APPBP2: variants seen among roughly 807,000 people sequenced by gnomAD.
APPBP2 encodes amyloid beta precursor protein binding protein 2, also known as amyloid protein-binding protein 2.
APPBP2 carries 15 observed loss-of-function variants against 76.0 expected under a neutral mutation model. The observed-to-expected ratio is 0.20, with a 90% confidence interval of 0.13 to 0.30. The LOEUF (loss-of-function observed/expected upper bound fraction) is 0.30. Ranked by LOEUF, APPBP2 falls within the 10% of genes least tolerant of loss-of-function variation. The probability of loss-of-function intolerance (pLI) is 1.00; values close to 1 mark genes in which losing one functional copy is unlikely to be tolerated. For synonymous variants in APPBP2, 222 were observed against 242.2 expected, an observed-to-expected ratio of 0.92 and a Z score of 0.77; for missense variants, 401 against 687.2, an observed-to-expected ratio of 0.58 and a Z score of 4.66.
chr17:60,467,646 A>G (rs1397393632), intron 4 of APPBP2, among the ~76,000 whole-genome samples: 1 of 152,240 alleles, frequency 6.6e-6, no homozygotes. Flanking sequence ...TGCCATAAAG[A>G]TGATAAAAAA....
intron 1 of APPBP2, among the ~76,000 whole-genome samples, chr17:60,500,928 A>G (rs2090818092): frequency 6.6e-6 from 1 of 152,236 alleles, no homozygotes; most frequent in Non-Finnish European, 1.5e-5. Context: ...ACACACCAAT[A>G]GTAGAGCATG....
intron 3 of APPBP2, among the ~76,000 whole-genome samples, chr17:60,486,231 A>C (rs1044800249): frequency 6.6e-6 from 1 of 152,334 alleles, no homozygotes; most frequent in Non-Finnish European, 1.5e-5. Flanking sequence ...TGCAGAACTG[A>C]GTTCAAATCC....
intron 3 of APPBP2, among the ~76,000 whole-genome samples, chr17:60,485,795 G>T (rs1307269914): frequency 6.6e-6 from 1 of 152,128 alleles, no homozygotes; most frequent in Non-Finnish European, 1.5e-5. Context: ...TGATGGTAGG[G>T]TGTGAATTGT....
chr17:60,459,169 A>G (rs1455547918), intron 9 of APPBP2, among the ~76,000 whole-genome samples: 1 of 152,130 alleles, frequency 6.6e-6, no homozygotes, highest in African/African-American at 2.4e-5. Flanking sequence ...GTAATTTTTA[A>G]TGGTGAGTTC....
intron 4 of APPBP2, among the ~76,000 whole-genome samples, chr17:60,477,952 C>T (rs761829582): frequency 1.1e-4 from 16 of 151,024 alleles, no homozygotes; most frequent in Middle Eastern, 3.4e-3. Context: ...CCAGACTGGG[C>T]GATACAGCAA....
At chr17:60,518,886 T>A (rs545054718) in intron 1 of APPBP2, among the ~76,000 whole-genome samples, 1 of 152,216 alleles carries the variant, frequency 6.6e-6, no homozygotes, top group Non-Finnish European at 1.5e-5. Flanking sequence ...GCCTTCTTCA[T>A]GCCAAGATGG....
chr17:60,523,479 A>C (rs2091026651), intron 1 of APPBP2, among the ~76,000 whole-genome samples: 1 of 152,110 alleles, frequency 6.6e-6, no homozygotes, highest in African/African-American at 2.4e-5. Context: ...TGGGCAACAG[A>C]GCAAGATCCT....
At position 60,492,990 on chromosome 17, in the gene APPBP2, G is replaced by A. The variant is rs181672452; in HGVS notation, c.379+1476C>T. 3.3e-5 allele frequency among the ~76,000 whole-genome samples: 5 copies of A among 152,266 alleles called. No homozygotes were observed. In the East Asian group the frequency reaches 9.6e-4, roughly 29 times the overall value. ...TCCCACGTGTTGTGGGAGGGACCTG[G>A]TGAAAGATAACTGAATCATAGGGCC... On this transcript the variant is annotated intron_variant, in intron 3 of 12. Transcript: ENST00000083182.
rs74580247 is a variant in APPBP2, at chr17:60,506,751, T to C, written c.139-6264A>G. Reference sequence around the variant, plus strand: ...ATATTTTCTTTTTTAAAAAAAACATTTTCCCCCCGGGCGCGGTGGCTCGCG... The same window carrying C: ...ATATTTTCTTTTTTAAAAAAAACATCTTCCCCCCGGGCGCGGTGGCTCGCG... On this transcript the variant is annotated intron_variant, in intron 1 of 12. Coordinates refer to ENST00000083182, the MANE Select transcript of APPBP2 (RefSeq NM_006380.5). 2.4e-3 allele frequency among the ~76,000 whole-genome samples: 358 copies of C among 152,260 alleles called. 1 individual carries two copies. Among genetic ancestry groups the C allele is most frequent in the African/African-American group, 8.3e-3 (347 of 41,564 alleles).
chr17:60,454,150 A>G (rs1291728922), intron 11 of APPBP2, 152 bp downstream of exon 11: 1 of 489,682 alleles, frequency 2.0e-6, no homozygotes, highest in Non-Finnish European at 3.3e-6. Flanking sequence ...GGAATGAGCC[A>G]CTGTGCTTGG....
chr17:60,453,161 A>G (rs1294997306), intron 11 of APPBP2, among the ~76,000 whole-genome samples: 1 of 152,120 alleles, frequency 6.6e-6, no homozygotes, highest in African/African-American at 2.4e-5. Context: ...TTATTTAAAA[A>G]ATTTTTTCTT....
At chr17:60,487,199 C>A (rs2143407937) in intron 3 of APPBP2, among the ~76,000 whole-genome samples, 1 of 152,230 alleles carries the variant, frequency 6.6e-6, no homozygotes, top group South Asian at 2.1e-4. Flanking sequence ...AAGGAATTAT[C>A]TTTGTGGTGT....
intron 12 of APPBP2, among the ~76,000 whole-genome samples, chr17:60,451,074 T>C (rs73326417): frequency 0.082 from 12,527 of 152,262 alleles, 1,711 homozygotes; most frequent in African/African-American, 0.28. Context: ...TGTTCATTAA[T>C]AGTGGAATGG....
chr17:60,521,145 T>C lies in APPBP2; in HGVS notation c.138+4649A>G, dbSNP rs756241796. ...CTTACCTGCTTTTATACCAAAATGG[T>C]TGCACGCCCTTGGAGAGAAAACTTT... On this transcript the variant is annotated intron_variant, in intron 1 of 12. Coordinates refer to ENST00000083182, the MANE Select transcript of APPBP2 (RefSeq NM_006380.5). Among the ~76,000 whole-genome samples the C allele has an allele frequency of 4.6e-5, 7 of 152,258 alleles. No individual in the cohort carries two copies. The South Asian group carries it at 8.3e-4, about 18-fold the overall frequency.
At chr17:60,447,881 G>C in intron 12 of APPBP2, 47 bp from the exon 13 acceptor site, 1 of 1,501,988 alleles carries the variant, frequency 6.7e-7, no homozygotes, top group Non-Finnish European at 8.9e-7. Context: ...CAAATAATGA[G>C]ATAACAAGCA....
intron 4 of APPBP2, among the ~76,000 whole-genome samples, chr17:60,476,013 C>T (rs61097431): frequency 0.082 from 12,474 of 152,170 alleles, 1,693 homozygotes; most frequent in African/African-American, 0.28. Context: ...AGTTCAGTAA[C>T]TGTAGTTATT....
At position 60,489,297 on chromosome 17, in the gene APPBP2, G is replaced by C. The variant is rs534694002; in HGVS notation, c.379+5169C>G. 1.6e-3 allele frequency among the ~76,000 whole-genome samples: 245 copies of C among 149,038 alleles called. 1 individual carries two copies. The highest frequency in any genetic ancestry group is 3.4e-3 in the Admixed American group (50 of 14,904). On this transcript the variant is annotated intron_variant, in intron 3 of 12. Transcript: ENST00000083182. ...AAGTCCCTTCGGCAACCTGTCTTTG[G>C]CTACTACAAAGAATTATTCTAAGAT...
chr17:60,521,912 T>C (rs919697082), intron 1 of APPBP2, among the ~76,000 whole-genome samples: 2 of 152,320 alleles, frequency 1.3e-5, no homozygotes, highest in African/African-American at 2.4e-5. Context: ...AAGCACTTAA[T>C]ACTGTGTTAC....
rs557328466 is a variant in APPBP2, at chr17:60,497,606, C to CATAAATAT, written c.227+2785_227+2792dup. On this transcript the variant is annotated intron_variant, in intron 2 of 12. Transcript: ENST00000083182. The stretch of plus-strand genomic sequence containing the variant: ...TTGTATCAAAGTATCTTATGTAACC[C>CATAAATAT]ATAAATATATGCACCTAATATGTAT... Among the ~76,000 whole-genome samples the CATAAATAT allele has an allele frequency of 9.2e-5, 14 of 151,946 alleles. No individual in the cohort carries two copies. The East Asian group carries it at 2.7e-3, about 29-fold the overall frequency.
Sources: allele counts gnomAD v4.1 joint callset (sites outside exome capture counted in the v4.1 genomes callset), GRCh38; gene constraint gnomAD v4.1.1; transcripts MANE v1.5; gene names NCBI Gene and HGNC (gene_info 2026-07-23, HGNC 2026-07-21).